Variants in CCAR1 observed in about 807,000 individuals in gnomAD.
The protein encoded by CCAR1 is cell division cycle and apoptosis regulator 1, also known as cell division cycle and apoptosis regulator protein 1.
In CCAR1, 78 loss-of-function variants were observed where a neutral mutation model predicts 163.8. That is an observed-to-expected ratio of 0.48 (90% confidence interval 0.40 to 0.57). CCAR1 has a LOEUF of 0.57. CCAR1 is among the 20% of genes least tolerant of loss of function. CCAR1 has a pLI of 0.00. For missense variants in CCAR1, 1,019 were observed against 1,365.2 expected (o/e 0.75, Z 4.00); for synonymous variants, 443 against 460.7 (o/e 0.96, Z 0.49).
intron 3 of CCAR1, 121 bp from the exon 4 acceptor site, chr10:68,737,724 C>T (rs907455431): frequency 2.3e-5 from 11 of 483,482 alleles, no homozygotes; most frequent in South Asian, 1.5e-4. Context: ...ATCAATGCCA[C>T]ACCAGAACAG....
intron 2 of CCAR1, among the ~76,000 whole-genome samples, chr10:68,735,193 T>C (rs1157013986): frequency 6.6e-6 from 1 of 151,956 alleles, no homozygotes; most frequent in African/African-American, 2.4e-5. Flanking sequence ...ACCAAAAATT[T>C]AAAAATTAGC....
intron 23 of CCAR1, 79 bp from the exon 24 acceptor site, chr10:68,789,631 C>A: frequency 1.2e-6 from 1 of 822,940 alleles, no homozygotes; most frequent in Non-Finnish European, 1.9e-6. Flanking sequence ...TTTATTTTCA[C>A]AGCTTAAATA....
At chr10:68,747,932 C>T (rs374525253) in intron 8 of CCAR1, among the ~76,000 whole-genome samples, 1 of 152,230 alleles carries the variant, frequency 6.6e-6, no homozygotes, top group Admixed American at 6.5e-5. Context: ...GGGCTCACTG[C>T]AACCTCAGCC....
intron 4 of CCAR1, among the ~76,000 whole-genome samples, chr10:68,740,298 A>G (rs142992756): frequency 3.5e-4 from 53 of 152,330 alleles, no homozygotes; most frequent in Non-Finnish European, 5.7e-4. Context: ...TGAGTTACTT[A>G]CATATGAGGT....
chr10:68,762,594 AC>A (rs979957171), intron 16 of CCAR1, among the ~76,000 whole-genome samples: 2 of 152,158 alleles, frequency 1.3e-5, no homozygotes, highest in African/African-American at 4.8e-5. Context: ...GTGTTTTAGC[AC>A]CAGTAATTGG....
intron 21 of CCAR1, 68 bp from the exon 22 acceptor site, chr10:68,787,859 T>C: frequency 6.9e-7 from 1 of 1,443,774 alleles, no homozygotes. Context: ...AATTATATCA[T>C]AGTTTTTCTA....
intron 2 of CCAR1, among the ~76,000 whole-genome samples, chr10:68,734,602 T>C (rs1253288135): frequency 6.6e-6 from 1 of 152,108 alleles, no homozygotes; most frequent in East Asian, 1.9e-4. Flanking sequence ...CGGGTTGAAG[T>C]GATTCTCGTG....
intron 23 of CCAR1, 31 bp from the exon 24 acceptor site, chr10:68,789,678 TA>T: frequency 7.7e-7 from 1 of 1,304,322 alleles, no homozygotes; most frequent in Non-Finnish European, 1.1e-6. Context: ...TTTTAGGAAG[TA>T]AAATGTTAAT....
intron 2 of CCAR1, among the ~76,000 whole-genome samples, chr10:68,732,313 T>G: frequency 6.6e-6 from 1 of 152,148 alleles, no homozygotes; most frequent in African/African-American, 2.4e-5. Context: ...TACATGATAA[T>G]TTTTTTTCTA....
At chr10:68,744,750 A>G (rs963509621) in intron 6 of CCAR1, among the ~76,000 whole-genome samples, 1 of 152,038 alleles carries the variant, frequency 6.6e-6, no homozygotes, top group Admixed American at 6.6e-5. Flanking sequence ...GGGGTGGTAA[A>G]TTATTAATTT....
At chr10:68,789,571 T>C in intron 23 of CCAR1, 139 bp from the exon 24 acceptor site, 1 of 606,066 alleles carries the variant, frequency 1.6e-6, no homozygotes, top group Non-Finnish European at 2.9e-6. Flanking sequence ...GTGTGCTTTA[T>C]GACTAATGAA....
chr10:68,726,174 T>G (rs762812432), intron 2 of CCAR1, among the ~76,000 whole-genome samples: 1 of 143,156 alleles, frequency 7.0e-6, no homozygotes, highest in African/African-American at 2.6e-5. Flanking sequence ...TTTTTTGAGA[T>G]TGAGTCTCGC....
intron 14 of CCAR1, 151 bp from the exon 15 acceptor site, chr10:68,757,143 A>G: frequency 1.9e-6 from 1 of 529,934 alleles, no homozygotes; most frequent in Non-Finnish European, 3.3e-6. Context: ...GGTAGAATGT[A>G]TGTACGTGGA....
At chr10:68,740,854 G>T (rs1589159913) in intron 5 of CCAR1, among the ~76,000 whole-genome samples, 193 bp downstream of exon 5, 1 of 151,334 alleles carries the variant, frequency 6.6e-6, no homozygotes, top group Non-Finnish European at 1.5e-5. Context: ...GTTCAGCTGT[G>T]ATACAGTTTG....
intron 24 of CCAR1, 87 bp downstream of exon 24, chr10:68,790,002 T>C (rs1316716938): frequency 1.5e-5 from 12 of 800,664 alleles, no homozygotes; most frequent in African/African-American, 3.6e-5. Context: ...ATTAAGCTCT[T>C]AGTGATTATT....
At chr10:68,757,746 G>A (rs1195145392) in intron 15 of CCAR1, among the ~76,000 whole-genome samples, 1 of 151,106 alleles carries the variant, frequency 6.6e-6, no homozygotes, top group East Asian at 2.0e-4. Context: ...AAATTAAAAG[G>A]CAATTTTATA....
At chr10:68,778,531 C>CA (rs1564550775) in intron 19 of CCAR1, among the ~76,000 whole-genome samples, 1 of 34,408 alleles carries the variant, frequency 2.9e-5, no homozygotes, top group African/African-American at 1.3e-4. Context: ...TTATCCTCTC[C>CA]TTTTTTTTTT....
chr10:68,751,434 C>G (rs1173504751), intron 10 of CCAR1, among the ~76,000 whole-genome samples: 2 of 152,150 alleles, frequency 1.3e-5, no homozygotes, highest in Non-Finnish European at 2.9e-5. Flanking sequence ...AAACCAAAAC[C>G]ACTTTTCCCA....
chr10:68,784,959 C>G (rs1043354271), intron 19 of CCAR1, among the ~76,000 whole-genome samples: 33 of 148,662 alleles, frequency 2.2e-4, no homozygotes, highest in Non-Finnish European at 4.3e-4. Context: ...GCTCTGTCAC[C>G]CCGGCTGGAG....
Sources: allele counts gnomAD v4.1 joint callset (sites outside exome capture counted in the v4.1 genomes callset), GRCh38; gene constraint gnomAD v4.1.1; transcripts MANE v1.5; gene names NCBI Gene and HGNC (gene_info 2026-07-23, HGNC 2026-07-21).